ZNF324B: variants seen among roughly 807,000 people sequenced by gnomAD.
ZNF324B encodes the protein zinc finger protein 324B.
Under a neutral mutation model 10.6 loss-of-function variants are expected in ZNF324B, and 7 were observed. That is an observed-to-expected ratio of 0.66 (90% CI 0.38 to 1.24). The LOEUF (loss-of-function observed/expected upper bound fraction) is 1.24. Ranked by LOEUF, ZNF324B falls within the 50% of genes most tolerant of loss-of-function variation. The pLI is 0.02. For synonymous variants in ZNF324B, 316 were observed against 321.0 expected, an observed-to-expected ratio of 0.98 and a Z score of 0.17; for missense variants, 640 against 764.7, an observed-to-expected ratio of 0.84 and a Z score of 1.92.
rs2052928196 is a variant in ZNF324B, at chr19:58,456,862, T to C, written c.*283T>C. On this transcript the variant is annotated 3_prime_UTR_variant, in exon 4 of 4. Transcript: ENST00000336614. The surrounding 1 kb of genome is among the most constrained non-coding windows in gnomAD (Gnocchi z 4.7). The stretch of plus-strand genomic sequence containing the variant: ...GGGGCTGAGGCTGTAGTTGGGGCCA[T>C]AGGACGCCGACAAAGGCAGCGCTGC... 5.6e-6 allele frequency: 3 copies of C among 535,540 alleles called. No homozygotes were observed. The highest frequency in any genetic ancestry group is 1.0e-5 in the Non-Finnish European group (3 of 298,856). The allele number at this position is 535,540 out of a possible 1,614,324, so 33.2% of individuals were successfully genotyped here. A position where few individuals can be genotyped will look rare whatever the true frequency, so the allele number is the denominator to read the frequency against.
At chr19:58,449,627 G>C (rs991607638), upstream of ZNF324B, among the ~76,000 whole-genome samples, 4 of 152,236 alleles carry the variant, frequency 2.6e-5, no homozygotes, top group Non-Finnish European at 4.4e-5. Flanking sequence ...CATGGAGTCA[G>C]AGGAGATTAT....
chr19:58,443,642 C>G, the ZNF324B span: 1 of 152,246 alleles, frequency 6.6e-6, no homozygotes, highest in Non-Finnish European at 1.5e-5. Flanking sequence ...GCAGCTGGGT[C>G]GTTTCCTGGC....
the ZNF324B span, among the ~76,000 whole-genome samples, chr19:58,426,676 G>A: frequency 1.7e-3 from 260 of 152,296 alleles, 1 homozygote; most frequent in Non-Finnish European, 3.0e-3. Context: ...ATGAAGGAGA[G>A]GTATAGCTGA....
chr19:58,425,453 T>C, the ZNF324B span, among the ~76,000 whole-genome samples: 1 of 132,452 alleles, frequency 7.5e-6, no homozygotes, highest in African/African-American at 2.5e-5. Flanking sequence ...GTCTTCCTTC[T>C]TCCTTCCTTC....
At position 58,455,860 on chromosome 19, in the gene ZNF324B, A is replaced by T. The variant is rs1347117373; in HGVS notation, c.916A>T (p.Ile306Phe). ...QTSHLTQHQR[I>F]HSGETPYACP... is the part of the protein sequence containing the mutation. ...GTCGCACTTGACGCAGCACCAGCGC[A>T]TCCACAGCGGCGAGACGCCCTACGC... is the stretch of plus-strand genomic sequence containing the variant. The change falls in exon 4 of 4, where the codon ATC becomes TTC. Residue 306 changes from isoleucine to phenylalanine, a missense_variant. Ile to Phe is a conservative substitution (Grantham distance 21, BLOSUM62 0). This residue lies in a region of ZNF324B where 57 missense variants were observed against 118.8 expected (regional missense o/e 0.48). Coordinates refer to ENST00000336614, the MANE Select transcript of ZNF324B (RefSeq NM_207395.3). The surrounding 1 kb of genome is among the most constrained non-coding windows in gnomAD (Gnocchi z 7.0). 1 of 1,612,738 alleles carries T rather than the reference A, an allele frequency of 6.2e-7. No individual in the cohort carries two copies. Among genetic ancestry groups the T allele is most frequent in the Non-Finnish European group, 8.5e-7 (1 of 1,179,462 alleles).
At position 58,455,615 on chromosome 19, in the gene ZNF324B, T is replaced by A; in HGVS notation, c.671T>A (p.Met224Lys). The A allele has an allele frequency of 6.2e-7, 1 of 1,613,996 alleles. No individual in the cohort carries two copies. The highest frequency in any genetic ancestry group is 8.5e-7 in the Non-Finnish European group (1 of 1,180,016). The stretch of plus-strand genomic sequence containing the variant: ...GCCAGTGGTGGCAGGGATCGCAGAA[T>A]GGGCGCAGCTTGGCAGGAGCCTCAT... ...KAASGGRDRR[M>K]GAAWQEPHRL... The change falls in exon 4 of 4, where the codon ATG becomes AAG. Residue 224 changes from methionine to lysine, a missense_variant. Met to Lys is a moderately conservative substitution (Grantham distance 95). Around this residue, in one of 3 missense-constraint regions of ZNF324B, gnomAD observed 345 missense variants for 387.9 expected, o/e 0.89. Transcript: ENST00000336614. This position sits in a 1 kb window ranked among gnomAD's most constrained non-coding sequence, Gnocchi z 7.0.
chr19:58,427,610 C>T, the ZNF324B span, among the ~76,000 whole-genome samples: 1 of 150,970 alleles, frequency 6.6e-6, no homozygotes, highest in African/African-American at 2.4e-5. Context: ...CCGCATTGGC[C>T]TCCCAAAGTG....
chr19:58,456,655 C>G lies in ZNF324B; in HGVS notation c.*76C>G. On this transcript the variant is annotated 3_prime_UTR_variant, in exon 4 of 4. Transcript: ENST00000336614. This position sits in a 1 kb window ranked among gnomAD's most constrained non-coding sequence, Gnocchi z 4.7. ...ACAGCTAAAGGGTCCGAGTGCTCTTCAGATCCACGATGGGGAAAAGCTCTG... is the reference window on the plus strand; with the variant it reads ...ACAGCTAAAGGGTCCGAGTGCTCTTGAGATCCACGATGGGGAAAAGCTCTG... 6.7e-7 allele frequency: 1 copy of G among 1,492,226 alleles called. No homozygotes were observed. Among genetic ancestry groups the G allele is most frequent in the Non-Finnish European group, 9.0e-7 (1 of 1,106,482 alleles). 92.4% of individuals were successfully genotyped at this position (1,492,226 alleles called of 1,614,324 possible).
the ZNF324B span, chr19:58,440,247 T>C: frequency 1.8e-3 from 449 of 244,694 alleles, no homozygotes; most frequent in Middle Eastern, 2.9e-3. Flanking sequence ...TCTATGACGC[T>C]ATTTCCCTAT....
chr19:58,442,496 T>A, the ZNF324B span: 1 of 152,798 alleles, frequency 6.5e-6, no homozygotes, highest in Non-Finnish European at 1.5e-5. Context: ...TTAAAGATGG[T>A]GTGTCCGGAG....
At chr19:58,436,831 A>G in the ZNF324B span, 1 of 704,782 alleles carries the variant, frequency 1.4e-6, no homozygotes, top group East Asian at 2.8e-5. Context: ...TGCCTCCACA[A>G]GGCTCCTGGG....
chr19:58,439,748 A>G, the ZNF324B span: 2 of 1,523,150 alleles, frequency 1.3e-6, no homozygotes, highest in Non-Finnish European at 1.8e-6. Flanking sequence ...CCTGGGGCAC[A>G]CTCCACTTAC....
the ZNF324B span, chr19:58,439,997 T>C: frequency 3.1e-6 from 2 of 636,992 alleles, no homozygotes; most frequent in South Asian, 3.8e-5. Flanking sequence ...GGCTCCACTT[T>C]CGGGAACACC....
the ZNF324B span, chr19:58,435,188 C>G: frequency 6.2e-7 from 1 of 1,613,560 alleles, no homozygotes; most frequent in Non-Finnish European, 8.5e-7. Context: ...TGGGCCCCCT[C>G]ACCCTCTACT....
chr19:58,456,621 A>C lies in ZNF324B; in HGVS notation c.*42A>C, dbSNP rs1448719476. 1 of 1,586,744 alleles carries C rather than the reference A, an allele frequency of 6.3e-7. No individual in the cohort carries two copies. Among genetic ancestry groups the C allele is most frequent in the South Asian group, 1.2e-5 (1 of 86,256 alleles). Reference sequence around the variant, plus strand: ...CCAACCCTTTCTTGGCCTTCTGTGAATCCCTTCCACAGCTAAAGGGTCCGA... The same window carrying C: ...CCAACCCTTTCTTGGCCTTCTGTGACTCCCTTCCACAGCTAAAGGGTCCGA... On this transcript the variant is annotated 3_prime_UTR_variant, in exon 4 of 4. Coordinates refer to ENST00000336614, the MANE Select transcript of ZNF324B (RefSeq NM_207395.3). The surrounding 1 kb of genome is among the most constrained non-coding windows in gnomAD (Gnocchi z 4.7).
the ZNF324B span, among the ~76,000 whole-genome samples, chr19:58,423,551 C>A: frequency 6.6e-6 from 1 of 152,056 alleles, no homozygotes; most frequent in Non-Finnish European, 1.5e-5. Flanking sequence ...CATTTTTTCC[C>A]CACAGAATTA....
chr19:58,435,249 C>G, the ZNF324B span: 1 of 1,581,170 alleles, frequency 6.3e-7, no homozygotes, highest in Non-Finnish European at 8.6e-7. Context: ...AAGAATTCCA[C>G]TTGGTGGGAA....
chr19:58,441,963 G>A, the ZNF324B span: 1 of 151,984 alleles, frequency 6.6e-6, no homozygotes, highest in Non-Finnish European at 1.5e-5. Flanking sequence ...CACTAGGTAA[G>A]GCTACTGTGT....
chr19:58,427,949 T>A, the ZNF324B span, among the ~76,000 whole-genome samples: 5 of 152,196 alleles, frequency 3.3e-5, no homozygotes, highest in African/African-American at 1.2e-4. Flanking sequence ...ACATGTGTCT[T>A]ACATATTGGA....
Sources: gnomAD v4.1 joint callset for allele counts (sites outside exome capture counted in the v4.1 genomes callset) on GRCh38, gnomAD v4.1.1 for gene constraint, gnomAD v4.1.1 regional missense constraint, Gnocchi (gnomAD v3.1) non-coding constraint, MANE v1.5 for transcripts, NCBI Gene and HGNC (gene_info 2026-07-23, HGNC 2026-07-21) for gene names.